Variants in ARHGEF11 observed in about 807,000 individuals in gnomAD.
ARHGEF11 encodes Rho guanine nucleotide exchange factor 11, also known as Rho guanine exchange factor (GEF) 11.
A neutral mutation model predicts 193.7 loss-of-function variants in ARHGEF11; 55 were observed. The ratio of observed to expected loss-of-function variants is 0.28; its 90% CI spans 0.23 to 0.36. The LOEUF (loss-of-function observed/expected upper bound fraction) is 0.36, where lower values mean the gene tolerates loss of function less well. Among genes scored for constraint, ARHGEF11 ranks in the 10% least tolerant of loss-of-function variants. ARHGEF11 has a pLI of 1.00. For missense variants in ARHGEF11, 1,723 were observed against 2,005.6 expected (o/e 0.86, Z 2.69); for synonymous variants, 693 against 768.0 (o/e 0.90, Z 1.62).
chr1:157,025,285 A>G (rs1670511099), intron 1 of ARHGEF11, among the ~76,000 whole-genome samples: 2 of 152,172 alleles, frequency 1.3e-5, no homozygotes, highest in Non-Finnish European at 2.9e-5. Flanking sequence ...CCTTTCCAAC[A>G]GGCCTGAGGT....
intron 31 of ARHGEF11, 74 bp from the exon 32 acceptor site, chr1:156,944,176 G>C: frequency 3.3e-6 from 5 of 1,535,630 alleles, no homozygotes; most frequent in Non-Finnish European, 4.4e-6. Context: ...CAGGGCCACA[G>C]GCTCTTGGAG....
intron 37 of ARHGEF11, chr1:156,939,322 T>C (rs1168453513): frequency 1.7e-6 from 1 of 604,482 alleles, no homozygotes; most frequent in Admixed American, 3.1e-5. Flanking sequence ...CAGAATTTTG[T>C]CTAAAGCCAC....
At chr1:156,991,195 A>G (rs1177426955) in intron 1 of ARHGEF11, among the ~76,000 whole-genome samples, 2 of 152,226 alleles carry the variant, frequency 1.3e-5, no homozygotes, top group African/African-American at 4.8e-5. Context: ...CATCAGTATC[A>G]CTAGTAACAA....
At chr1:156,996,856 TC>T (rs1350769819) in intron 1 of ARHGEF11, among the ~76,000 whole-genome samples, 31 of 121,160 alleles carry the variant, frequency 2.6e-4, no homozygotes, top group South Asian at 2.8e-4. Context: ...AACCTCTCTC[TC>T]TATTTTTTTT....
Position 156,956,496 on chromosome 1 carries a change from G to C in ARHGEF11, c.1595C>G (p.Pro532Arg). The C allele has an allele frequency of 6.2e-7, 1 of 1,614,150 alleles. No homozygotes were observed. Among genetic ancestry groups the C allele is most frequent in the Non-Finnish European group, 8.5e-7 (1 of 1,180,026 alleles). ...HAGIRLREAR[P>R]SNTAEKAQSA... ...CTGGGCCTTTTCAGCTGTGTTGGAA[G>C]GTCGTGCCTCTCGAAGACGGATCCC... The change falls in exon 19 of 41, where the codon CCT becomes CGT. Residue 532 changes from proline (P) to arginine (R), a missense_variant. Physicochemically the swap from Pro to Arg is moderately radical, Grantham distance 103. Around this residue, in one of 5 missense-constraint regions of ARHGEF11, gnomAD observed 646 missense variants for 710.7 expected, o/e 0.91. Coordinates refer to ENST00000368194, the MANE Select transcript of ARHGEF11 (RefSeq NM_198236.3).
Position 156,935,933 on chromosome 1 carries a change from G to A in ARHGEF11, c.*67C>T. 6.5e-7 allele frequency: 1 copy of A among 1,536,136 alleles called. No homozygotes were observed. Among genetic ancestry groups the A allele is most frequent in the Non-Finnish European group, 8.9e-7 (1 of 1,126,158 alleles). ...GGAGTGTTGGGATCCCCCCTACCCT[G>A]TGCCCCGGTCTCAGGCCAGTCCCTG... On this transcript the variant is annotated 3_prime_UTR_variant, in exon 41 of 41. Transcript: ENST00000368194.
At chr1:157,030,005 G>C (rs954417802) in intron 1 of ARHGEF11, among the ~76,000 whole-genome samples, 1 of 152,070 alleles carries the variant, frequency 6.6e-6, no homozygotes, top group African/African-American at 2.4e-5. Flanking sequence ...GGGCAATGGG[G>C]AGTGACTGCT....
intron 1 of ARHGEF11, among the ~76,000 whole-genome samples, chr1:157,019,094 T>C (rs1557962961): frequency 1.3e-5 from 2 of 152,186 alleles, no homozygotes. Flanking sequence ...ATTCATTAAA[T>C]ACAAAGAGTA....
Position 156,981,667 on chromosome 1 carries a change from T to C in ARHGEF11, c.224-1181A>G, listed in dbSNP as rs926481937. On this transcript the variant is annotated intron_variant, in intron 3 of 40. Coordinates refer to ENST00000368194, the MANE Select transcript of ARHGEF11 (RefSeq NM_198236.3). ...TTTTGTATTTTTTGTAGAGACAGGG[T>C]TTCACCATATTGCCCAGGCTGGTCT... Among the ~76,000 whole-genome samples the C allele has an allele frequency of 1.1e-3, 161 of 152,042 alleles. 2 individuals are homozygous for C. The highest frequency in any genetic ancestry group is 0.011 in the Admixed American group (161 of 15,256).
intron 1 of ARHGEF11, among the ~76,000 whole-genome samples, chr1:157,028,105 C>T (rs1371149952): frequency 1.3e-5 from 2 of 152,130 alleles, no homozygotes; most frequent in Non-Finnish European, 2.9e-5. Flanking sequence ...CAATCAACCG[C>T]CAGAATTCTG....
intron 21 of ARHGEF11, among the ~76,000 whole-genome samples, chr1:156,953,151 G>T (rs757514800): frequency 2.6e-5 from 4 of 152,268 alleles, no homozygotes; most frequent in Non-Finnish European, 4.4e-5. Flanking sequence ...TTTTTAAAAA[G>T]AGCAAAGTGG....
intron 1 of ARHGEF11, among the ~76,000 whole-genome samples, chr1:157,001,118 A>T (rs940324042): frequency 1.3e-5 from 2 of 152,126 alleles, no homozygotes; most frequent in Non-Finnish European, 2.9e-5. Flanking sequence ...TAAGCATCTG[A>T]CTTATGCTAT....
intron 1 of ARHGEF11, among the ~76,000 whole-genome samples, chr1:157,000,736 T>G (rs1394531708): frequency 6.6e-6 from 1 of 152,210 alleles, no homozygotes; most frequent in African/African-American, 2.4e-5. Flanking sequence ...GTATGAGGTC[T>G]GCTTGTCTTT....
chr1:156,944,448 C>CCATTCATTCATTCATTCATT lies in ARHGEF11; in HGVS notation c.2992-35_2992-16dup. ...AGATCCAGGCTCTGTTAAGGAGACACCATTCATTCATTCATTCATTCATTC... is the reference window on the plus strand; with the variant it reads ...AGATCCAGGCTCTGTTAAGGAGACACCATTCATTCATTCATTCATTCATTCATTCATTCATTCATTCATTC... On this transcript the variant is annotated splice_polypyrimidine_tract_variant and intron_variant, in intron 30 of 40. Transcript: ENST00000368194. The CCATTCATTCATTCATTCATT allele has an allele frequency of 6.6e-6, 10 of 1,504,352 alleles. No individual in the cohort carries two copies. The highest frequency in any genetic ancestry group is 8.3e-6 in the Non-Finnish European group (9 of 1,084,538). 93.2% of individuals were successfully genotyped at this position (1,504,352 alleles called of 1,614,324 possible).
intron 1 of ARHGEF11, among the ~76,000 whole-genome samples, chr1:157,001,859 A>G (rs945289121): frequency 6.6e-6 from 1 of 152,254 alleles, no homozygotes; most frequent in Non-Finnish European, 1.5e-5. Flanking sequence ...ATATGGGCTT[A>G]TAATTCCCTC....
At chr1:156,973,306 C>A (rs1048101248) in intron 7 of ARHGEF11, among the ~76,000 whole-genome samples, 1 of 152,206 alleles carries the variant, frequency 6.6e-6, no homozygotes. Flanking sequence ...TCAACATATA[C>A]AATCTAGTTT....
intron 17 of ARHGEF11, 52 bp from the exon 18 acceptor site, chr1:156,957,867 C>A: frequency 1.2e-6 from 2 of 1,601,066 alleles, no homozygotes; most frequent in South Asian, 1.1e-5. Flanking sequence ...AGAGGCTGGT[C>A]ACCTGGTTAG....
At position 156,978,378 on chromosome 1, in the gene ARHGEF11, G is replaced by A. The variant is rs371015832; in HGVS notation, c.336C>T (p.Gly112=). 3.0e-5 allele frequency: 48 copies of A among 1,594,716 alleles called. No individual in the cohort carries two copies. The highest frequency in any genetic ancestry group is 4.0e-5 in the African/African-American group (3 of 74,304). ...HLEVVKLIKS[G]AYVALTLLGS... ...CCAGGAGGGTGAGTGCGACATAGGC[G>A]CCAGCTAGAGGGAAACAGAGAGAGA... Residue 112 remains glycine (G), a synonymous_variant, in exon 6 of 41, where the codon GGC becomes GGT. Transcript: ENST00000368194.
chr1:157,011,730 G>GC (rs1668569590), intron 1 of ARHGEF11, among the ~76,000 whole-genome samples: 1 of 152,116 alleles, frequency 6.6e-6, no homozygotes, highest in Middle Eastern at 3.2e-3. Flanking sequence ...TATGGAAGAG[G>GC]CTCAATATCA....
Sources: gnomAD v4.1 joint callset for allele counts (sites outside exome capture counted in the v4.1 genomes callset) on GRCh38, gnomAD v4.1.1 for gene constraint, gnomAD v4.1.1 regional missense constraint, MANE v1.5 for transcripts, NCBI Gene and HGNC (gene_info 2026-07-23, HGNC 2026-07-21) for gene names.